AOPEP: variants seen among roughly 807,000 people sequenced by gnomAD.
The protein encoded by AOPEP is aminopeptidase O (putative), also known as aminopeptidase O.
In AOPEP, 77 loss-of-function variants were observed where a neutral mutation model predicts 98.1. The observed-to-expected ratio is 0.78, with a 90% CI of 0.65 to 0.95. The LOEUF (loss-of-function observed/expected upper bound fraction) is 0.95. AOPEP is among the 40% of genes least tolerant of loss of function. The pLI, the probability that AOPEP is intolerant of heterozygous loss-of-function variation, is 0.00. For missense variants in AOPEP, 1,024 were observed against 1,024.7 expected, an observed-to-expected ratio of 1.00 and a Z score of 0.01; for synonymous variants, 346 against 365.3, an observed-to-expected ratio of 0.95 and a Z score of 0.60.
At chr9:94,793,012 A>G in intron 4 of AOPEP, 94 bp downstream of exon 4, 1 of 1,363,542 alleles carries the variant, frequency 7.3e-7, no homozygotes, top group African/African-American at 1.4e-5. Context: ...AATGTGAGTC[A>G]TTCCTGCTGA....
intron 7 of AOPEP, among the ~76,000 whole-genome samples, chr9:94,934,294 C>A (rs1341094602): frequency 6.8e-6 from 1 of 148,082 alleles, no homozygotes; most frequent in Non-Finnish European, 1.5e-5. Context: ...TAACTGCTGA[C>A]TATGCTCACA....
In AOPEP at chr9:95,087,011, T is replaced by A. The variant is rs1013842783; in HGVS notation, c.*334T>A. The A allele has an allele frequency of 1.8e-5, 16 of 910,792 alleles. No individual in the cohort carries two copies. The highest frequency in any genetic ancestry group is 2.0e-5 in the Non-Finnish European group (15 of 761,010). 56.4% of individuals were successfully genotyped at this position (910,792 alleles called of 1,614,324 possible). A position where few individuals can be genotyped will look rare whatever the true frequency, so the allele number is the denominator to read the frequency against. ...AAACCTGCTGAACATTTTACATTGGTCTGCTCAGCACATGGCTGGATGCGG... is the reference window on the plus strand; with the variant it reads ...AAACCTGCTGAACATTTTACATTGGACTGCTCAGCACATGGCTGGATGCGG... On this transcript the variant is annotated 3_prime_UTR_variant, in exon 17 of 17. Coordinates refer to ENST00000375315, the MANE Select transcript of AOPEP (RefSeq NM_001193329.3).
intron 14 of AOPEP, among the ~76,000 whole-genome samples, chr9:95,069,493 G>GGAT: frequency 6.6e-6 from 1 of 152,310 alleles, no homozygotes; most frequent in African/African-American, 2.4e-5. Flanking sequence ...TGGAAGGAAG[G>GGAT]CAAACTGTGC....
At chr9:95,123,522 T>C in the AOPEP span, 1 of 500,160 alleles carries the variant, frequency 2.0e-6, no homozygotes, top group Non-Finnish European at 4.0e-6. Context: ...GCCTCCAATA[T>C]GATGAAAAAA....
At chr9:94,907,673 A>G (rs987906009) in intron 5 of AOPEP, among the ~76,000 whole-genome samples, 1 of 152,112 alleles carries the variant, frequency 6.6e-6, no homozygotes, top group Non-Finnish European at 1.5e-5. Context: ...TCAACATTAG[A>G]GTGCAGTTCT....
the AOPEP span, among the ~76,000 whole-genome samples, chr9:95,130,305 A>T: frequency 8.6e-5 from 13 of 151,794 alleles, no homozygotes; most frequent in East Asian, 1.9e-4. Context: ...TGTGTGAGAG[A>T]GAGAGAGAGA....
At chr9:95,106,208 A>G in the AOPEP span, among the ~76,000 whole-genome samples, 1 of 152,044 alleles carries the variant, frequency 6.6e-6, no homozygotes, top group Non-Finnish European at 1.5e-5. Context: ...CTGACCACTC[A>G]TGCCCTTTCT....
At chr9:94,732,959 G>A (rs1830888493) in intron 1 of AOPEP, among the ~76,000 whole-genome samples, 1 of 152,076 alleles carries the variant, frequency 6.6e-6, no homozygotes, top group Non-Finnish European at 1.5e-5. Context: ...TTGAGCAAGT[G>A]GATGCCCAAG....
intron 13 of AOPEP, chr9:95,049,108 G>A (rs1237223359): frequency 6.6e-6 from 1 of 152,118 alleles, no homozygotes; most frequent in Non-Finnish European, 1.5e-5. Flanking sequence ...GTTAAATTCC[G>A]AGATGAGAAT....
intron 1 of AOPEP, among the ~76,000 whole-genome samples, chr9:94,750,497 A>G (rs1835437575): frequency 6.6e-6 from 1 of 152,028 alleles, no homozygotes; most frequent in Non-Finnish European, 1.5e-5. Flanking sequence ...AGGCAGGAGA[A>G]TCACTTGAAC....
chr9:94,882,397 AG>A (rs1294308658), intron 5 of AOPEP, among the ~76,000 whole-genome samples: 1 of 147,488 alleles, frequency 6.8e-6, no homozygotes, highest in Non-Finnish European at 1.5e-5. Flanking sequence ...TACCAATTAA[AG>A]AACACATCTC....
intron 5 of AOPEP, among the ~76,000 whole-genome samples, chr9:94,846,430 T>C (rs1386365493): frequency 6.6e-6 from 1 of 151,964 alleles, no homozygotes; most frequent in African/African-American, 2.4e-5. Flanking sequence ...CTGGAGTGAG[T>C]TGAGAGAAGG....
At chr9:95,142,474 G>A in the AOPEP span, 1 of 152,170 alleles carries the variant, frequency 6.6e-6, no homozygotes, top group African/African-American at 2.4e-5. Context: ...CTAATCCCCA[G>A]GCCCAACCCC....
chr9:94,860,320 G>A (rs1360762608), intron 5 of AOPEP, among the ~76,000 whole-genome samples: 1 of 149,848 alleles, frequency 6.7e-6, no homozygotes, highest in Non-Finnish European at 1.5e-5. Flanking sequence ...AAGGGCGTCA[G>A]ACCAAGCAGG....
At chr9:95,047,269 G>C (rs1056902507) in intron 13 of AOPEP, among the ~76,000 whole-genome samples, 4 of 152,220 alleles carry the variant, frequency 2.6e-5, no homozygotes, top group African/African-American at 7.2e-5. Flanking sequence ...AGTTTTTATA[G>C]TGGTGGGGTT....
the AOPEP span, among the ~76,000 whole-genome samples, chr9:95,105,541 G>A: frequency 6.6e-6 from 1 of 152,124 alleles, no homozygotes; most frequent in East Asian, 1.9e-4. Context: ...CATAAAATGT[G>A]CTGTTTTACC....
At chr9:95,103,833 G>C in the AOPEP span, among the ~76,000 whole-genome samples, 1 of 152,234 alleles carries the variant, frequency 6.6e-6, no homozygotes, top group African/African-American at 2.4e-5. Context: ...TGCAGGACCA[G>C]TGCGTCCTTT....
At chr9:94,836,924 AATT>A (rs2041676198) in intron 5 of AOPEP, among the ~76,000 whole-genome samples, 1 of 152,036 alleles carries the variant, frequency 6.6e-6, no homozygotes, top group Non-Finnish European at 1.5e-5. Flanking sequence ...ATGCTTGTCT[AATT>A]ATTTTTTAAA....
At chr9:94,924,273 C>A in intron 6 of AOPEP, 98 bp downstream of exon 6, 1 of 993,196 alleles carries the variant, frequency 1.0e-6, no homozygotes, top group Non-Finnish European at 1.3e-6. Context: ...GCCTACTATG[C>A]ACTAGGCACA....
Sources: allele counts gnomAD v4.1 joint callset (sites outside exome capture counted in the v4.1 genomes callset), GRCh38; gene constraint gnomAD v4.1.1; transcripts MANE v1.5; gene names NCBI Gene and HGNC (gene_info 2026-07-23, HGNC 2026-07-21).